The following BTAF1 variants were observed in gnomAD, a reference collection of about 807,000 sequenced individuals.
BTAF1 encodes the protein TATA-binding protein-associated factor 172.
A neutral mutation model predicts 227.1 loss-of-function variants in BTAF1; 38 were observed. That is an observed-to-expected ratio of 0.17 (90% CI 0.13 to 0.22). BTAF1 has a LOEUF of 0.22. BTAF1 is among the 10% of genes least tolerant of loss of function. BTAF1 has a pLI of 1.00. For missense variants in BTAF1, 1,598 were observed against 2,204.0 expected (o/e 0.73, Z 5.51); for synonymous variants, 742 against 751.9 (o/e 0.99, Z 0.21).
intron 20 of BTAF1, among the ~76,000 whole-genome samples, chr10:91,991,775 ATGTGTG>A (rs376156562): frequency 1.2e-3 from 101 of 81,372 alleles, no homozygotes; most frequent in South Asian, 3.3e-3. Flanking sequence ...AATTATATAT[ATGTGTG>A]TGTGTGTGTG....
At chr10:91,976,466 ATAGT>A (rs1192636233) in intron 14 of BTAF1, among the ~76,000 whole-genome samples, 5 of 152,176 alleles carry the variant, frequency 3.3e-5, no homozygotes, top group African/African-American at 9.6e-5. Context: ...CTCTAATCAC[ATAGT>A]TAGTTCCTCT....
At chr10:91,959,410 G>T (rs545281814) in intron 9 of BTAF1, 1 of 565,546 alleles carries the variant, frequency 1.8e-6, no homozygotes, top group Non-Finnish European at 2.6e-6. Flanking sequence ...ATATATGACC[G>T]GTGTGCTTGA....
chr10:91,988,621 C>A (rs1848562692), intron 19 of BTAF1, among the ~76,000 whole-genome samples: 1 of 152,062 alleles, frequency 6.6e-6, no homozygotes, highest in South Asian at 2.1e-4. Flanking sequence ...TGTTTTGTTT[C>A]TTTTCCTTCT....
intron 36 of BTAF1, among the ~76,000 whole-genome samples, 181 bp from the exon 37 acceptor site, chr10:92,026,949 C>G (rs1851556756): frequency 6.6e-6 from 1 of 152,144 alleles, no homozygotes; most frequent in South Asian, 2.1e-4. Flanking sequence ...AAACCTGGAT[C>G]ACTGTTCATC....
chr10:91,986,002 T>G (rs1050219730), intron 19 of BTAF1, among the ~76,000 whole-genome samples: 2 of 152,132 alleles, frequency 1.3e-5, no homozygotes, highest in Non-Finnish European at 2.9e-5. Context: ...TCATGGCTAT[T>G]ATGTTGTGTG....
At chr10:91,936,008 A>G (rs985000941) in intron 2 of BTAF1, among the ~76,000 whole-genome samples, 3 of 151,358 alleles carry the variant, frequency 2.0e-5, no homozygotes, top group African/African-American at 7.3e-5. Flanking sequence ...AATCTGTCCC[A>G]GTTTGGTAAT....
At chr10:92,019,079 A>G (rs1418316728) in intron 34 of BTAF1, 144 bp downstream of exon 34, 1 of 856,146 alleles carries the variant, frequency 1.2e-6, no homozygotes, top group African/African-American at 1.7e-5. Flanking sequence ...TTTTGTAAAA[A>G]TGTGGTTAAA....
intron 25 of BTAF1, among the ~76,000 whole-genome samples, chr10:92,007,060 T>C (rs1338215774): frequency 1.1e-4 from 16 of 151,730 alleles, no homozygotes; most frequent in Non-Finnish European, 1.5e-4. Flanking sequence ...TTTTTTAAAA[T>C]GGCTAGTTCA....
chr10:91,952,982 C>CA lies in BTAF1; in HGVS notation c.565-751dup, dbSNP rs1212298722. Among the ~76,000 whole-genome samples, 10 of 152,200 alleles carry CA rather than the reference C, an allele frequency of 6.6e-5. No individual in the cohort carries two copies. In the East Asian group the frequency reaches 1.9e-3, roughly 29 times the overall value. ...ATAGGCAACACTAATTTGGGGTTTG[C>CA]AAAATCCAGATTTATATATCATGGA... On this transcript the variant is annotated intron_variant, in intron 5 of 37. Transcript: ENST00000265990.
Position 92,016,387 on chromosome 10 carries a change from T to C in BTAF1, c.4632T>C (p.Val1544=). ...DFAKSRAKCD[V]DETVSSATLS... ...CTAAGTCTCGTGCCAAGTGTGATGT[T>C]GATGAAACAGTTTCTTCAGCTACAC... The change falls in exon 33 of 38, where the codon GTT becomes GTC. Residue 1544 remains valine, a synonymous_variant. Coordinates refer to ENST00000265990, the MANE Select transcript of BTAF1 (RefSeq NM_003972.3). 6.2e-7 allele frequency: 1 copy of C among 1,600,740 alleles called. No individual in the cohort carries two copies. The highest frequency in any genetic ancestry group is 8.5e-7 in the Non-Finnish European group (1 of 1,174,524).
chr10:92,022,292 T>C (rs555993503), intron 34 of BTAF1, among the ~76,000 whole-genome samples: 37 of 152,358 alleles, frequency 2.4e-4, no homozygotes, highest in African/African-American at 8.4e-4. Context: ...TATAACTGGT[T>C]ATCTTTAAGG....
Position 91,992,263 on chromosome 10 carries a change from A to C in BTAF1, c.2999A>C (p.Asp1000Ala). The change falls in exon 21 of 38, where the codon GAT becomes GCT. Residue 1000 changes from aspartate (D) to alanine (A), a missense_variant. This residue lies in a region of BTAF1 where 425 missense variants were observed against 491.2 expected (regional missense o/e 0.87). Coordinates refer to ENST00000265990, the MANE Select transcript of BTAF1 (RefSeq NM_003972.3). ...AAAGCAGTAAAAGCTCAAATAGCAG[A>C]TCTTCCTGCAGGAAGTAGTGGAAAT... is the stretch of plus-strand genomic sequence containing the variant. Reference protein sequence around the residue: ...TPKAVKAQIADLPAGSSGNIL... With the variant: ...TPKAVKAQIAALPAGSSGNIL... 6.2e-7 allele frequency: 1 copy of C among 1,613,432 alleles called. No homozygotes were observed. The highest frequency in any genetic ancestry group is 8.5e-7 in the Non-Finnish European group (1 of 1,179,864).
intron 35 of BTAF1, among the ~76,000 whole-genome samples, chr10:92,025,803 T>G (rs555653594): frequency 9.0e-6 from 1 of 111,518 alleles, no homozygotes. Context: ...AGAGCAAGAC[T>G]CTGTCTCAAA....
intron 15 of BTAF1, among the ~76,000 whole-genome samples, chr10:91,980,866 A>G (rs1257721253): frequency 6.6e-6 from 1 of 152,184 alleles, no homozygotes; most frequent in African/African-American, 2.4e-5. Flanking sequence ...GCTGTTTATC[A>G]ATATGCTTAT....
intron 7 of BTAF1, 33 bp from the exon 8 acceptor site, chr10:91,957,192 T>C (rs1846165562): frequency 6.4e-7 from 1 of 1,562,014 alleles, no homozygotes; most frequent in African/African-American, 1.4e-5. Flanking sequence ...ATAGACCTTT[T>C]GAACTAGTAG....
At chr10:91,952,874 G>A (rs1472921289) in intron 5 of BTAF1, among the ~76,000 whole-genome samples, 1 of 152,180 alleles carries the variant, frequency 6.6e-6, no homozygotes, top group Admixed American at 6.5e-5. Context: ...ATCACAGTAT[G>A]GGTAATTGAA....
intron 37 of BTAF1, among the ~76,000 whole-genome samples, chr10:92,028,471 A>G (rs189052466): frequency 6.6e-6 from 1 of 152,186 alleles, no homozygotes; most frequent in South Asian, 2.1e-4. Context: ...CTTTCTTTCA[A>G]ATTGTTCAGA....
intron 1 of BTAF1, among the ~76,000 whole-genome samples, chr10:91,932,351 A>AT (rs1337808128): frequency 1.3e-5 from 2 of 152,158 alleles, no homozygotes; most frequent in Admixed American, 6.5e-5. Flanking sequence ...TTACCAACTG[A>AT]TTTTTTATGT....
At chr10:91,926,950 C>T (rs1329872766) in intron 1 of BTAF1, among the ~76,000 whole-genome samples, 1 of 152,176 alleles carries the variant, frequency 6.6e-6, no homozygotes, top group Non-Finnish European at 1.5e-5. Context: ...CCTTTGTGAT[C>T]TGGTTCCTGT....
Sources: allele counts gnomAD v4.1 joint callset (sites outside exome capture counted in the v4.1 genomes callset), GRCh38; gene constraint gnomAD v4.1.1; regional missense constraint gnomAD v4.1.1; transcripts MANE v1.5; gene names NCBI Gene and HGNC (gene_info 2026-07-23, HGNC 2026-07-21).